FCHSD2: variants seen among roughly 807,000 people sequenced by gnomAD.
The protein encoded by FCHSD2 is FCH and double SH3 domains 2, also known as F-BAR and double SH3 domains protein 2.
In FCHSD2, 38 loss-of-function variants were observed where a neutral mutation model predicts 108.1. The observed-to-expected ratio is 0.35, with a 90% confidence interval of 0.27 to 0.46. FCHSD2 has a LOEUF of 0.46. Among genes scored for constraint, FCHSD2 ranks in the 20% least tolerant of loss-of-function variants. The pLI is 1.00. For missense variants in FCHSD2, 751 were observed against 897.8 expected (o/e 0.84, Z 2.09); for synonymous variants, 279 against 314.7 (o/e 0.89, Z 1.20).
At chr11:72,890,121 A>G (rs750602538) in intron 10 of FCHSD2, among the ~76,000 whole-genome samples, 176 bp from the exon 11 acceptor site, 7 of 152,352 alleles carry the variant, frequency 4.6e-5, no homozygotes, top group Non-Finnish European at 7.3e-5. Context: ...GAGTAAGATC[A>G]GCATAAAACC....
chr11:73,024,801 A>G (rs1410101756), intron 3 of FCHSD2, among the ~76,000 whole-genome samples: 1 of 152,160 alleles, frequency 6.6e-6, no homozygotes, highest in Non-Finnish European at 1.5e-5. Flanking sequence ...CAGGGAAAAA[A>G]ACAACAATCC....
intron 14 of FCHSD2, among the ~76,000 whole-genome samples, chr11:72,845,518 A>G (rs762769256): frequency 1.4e-4 from 22 of 151,754 alleles, no homozygotes; most frequent in Non-Finnish European, 1.9e-4. Context: ...ACACTGCAGC[A>G]CTAGTTGTCC....
chr11:72,939,363 A>C (rs1275420672), intron 8 of FCHSD2, among the ~76,000 whole-genome samples: 2 of 152,176 alleles, frequency 1.3e-5, no homozygotes, highest in Non-Finnish European at 2.9e-5. Flanking sequence ...TTGGGCCTCA[A>C]AAACCTTTCT....
intron 13 of FCHSD2, among the ~76,000 whole-genome samples, chr11:72,854,866 G>A (rs922509234): frequency 1.3e-5 from 2 of 152,172 alleles, no homozygotes; most frequent in African/African-American, 4.8e-5. Context: ...GGCCAGGCAC[G>A]GTGGCTCATG....
At chr11:72,947,759 A>C (rs1277649520) in intron 8 of FCHSD2, among the ~76,000 whole-genome samples, 1 of 2,538 alleles carries the variant, frequency 3.9e-4, no homozygotes, top group South Asian at 6.6e-3. Flanking sequence ...ATTTTCTCAT[A>C]AAGAAAATTA....
At chr11:73,084,960 G>GAA (rs768600117) in intron 2 of FCHSD2, among the ~76,000 whole-genome samples, 3 of 106,790 alleles carry the variant, frequency 2.8e-5, no homozygotes, top group Admixed American at 9.4e-5. Context: ...TAAGAAGGAG[G>GAA]AAAAAAAAAA....
At chr11:72,949,046 A>G (rs918855846) in intron 8 of FCHSD2, among the ~76,000 whole-genome samples, 2 of 152,210 alleles carry the variant, frequency 1.3e-5, no homozygotes, top group Non-Finnish European at 2.9e-5. Flanking sequence ...TATTAGTCAC[A>G]CACCATTAAG....
intron 2 of FCHSD2, among the ~76,000 whole-genome samples, chr11:73,129,082 A>G (rs747810192): frequency 6.6e-6 from 1 of 151,842 alleles, no homozygotes; most frequent in African/African-American, 2.4e-5. Context: ...CATGTTAGCC[A>G]GGATGGTCTC....
intron 8 of FCHSD2, among the ~76,000 whole-genome samples, chr11:72,927,232 C>A (rs955966955): frequency 1.3e-5 from 2 of 152,266 alleles, no homozygotes; most frequent in African/African-American, 4.8e-5. Flanking sequence ...TTAAGCATGC[C>A]TGAGAATCAC....
intron 3 of FCHSD2, among the ~76,000 whole-genome samples, chr11:73,037,139 C>G (rs1858516789): frequency 6.6e-6 from 1 of 152,048 alleles, no homozygotes; most frequent in Non-Finnish European, 1.5e-5. Flanking sequence ...TTTTTTAGAA[C>G]AGTTTTAGGT....
intron 2 of FCHSD2, among the ~76,000 whole-genome samples, chr11:73,134,831 G>A (rs1861084857): frequency 6.6e-6 from 1 of 152,218 alleles, no homozygotes; most frequent in East Asian, 1.9e-4. Context: ...TTTTCTGGGG[G>A]GGAGTTTGTT....
At chr11:72,896,494 G>C (rs1349698809) in intron 10 of FCHSD2, among the ~76,000 whole-genome samples, 1 of 152,062 alleles carries the variant, frequency 6.6e-6, no homozygotes, top group African/African-American at 2.4e-5. Context: ...ATGTACATAG[G>C]GCAGAGATGT....
chr11:72,914,296 T>A (rs1057274330), intron 9 of FCHSD2, among the ~76,000 whole-genome samples: 1 of 152,188 alleles, frequency 6.6e-6, no homozygotes, highest in Non-Finnish European at 1.5e-5. Flanking sequence ...ATTACAGGTG[T>A]GAGTCAGGTG....
At chr11:72,996,886 A>G (rs1270201565) in intron 5 of FCHSD2, among the ~76,000 whole-genome samples, 1 of 152,236 alleles carries the variant, frequency 6.6e-6, no homozygotes, top group Non-Finnish European at 1.5e-5. Flanking sequence ...TAAGTCTTAA[A>G]TTCAACTTAA....
chr11:73,046,361 T>C (rs1282927883), intron 3 of FCHSD2, among the ~76,000 whole-genome samples: 3 of 152,118 alleles, frequency 2.0e-5, no homozygotes, highest in African/African-American at 7.2e-5. Flanking sequence ...AAAAAAGATA[T>C]GAATGGCCAA....
intron 13 of FCHSD2, among the ~76,000 whole-genome samples, chr11:72,858,357 G>T (rs1201657720): frequency 6.6e-6 from 1 of 152,186 alleles, no homozygotes; most frequent in Non-Finnish European, 1.5e-5. Context: ...GCAAAGAAAT[G>T]AAATAAACCT....
chr11:72,921,904 G>T lies in FCHSD2; in HGVS notation c.752C>A (p.Ala251Asp), dbSNP rs746365924. The T allele has an allele frequency of 8.1e-6, 13 of 1,601,928 alleles. No individual in the cohort carries two copies. Among genetic ancestry groups the T allele is most frequent in the Non-Finnish European group, 1.1e-5 (13 of 1,172,586 alleles). Residue 251 changes from alanine to aspartate, a missense_variant, in exon 9 of 20, where the codon GCC becomes GAC. Physicochemically the swap from Ala to Asp is moderately radical, Grantham distance 126. Coordinates refer to ENST00000409418, the MANE Select transcript of FCHSD2 (RefSeq NM_014824.3). Reference protein sequence around the residue: ...VYDHLKDYLIAFSRTELETCQ... With the variant: ...VYDHLKDYLIDFSRTELETCQ... ...TGTTTCTAGCTCAGTCCGGCTGAAG[G>T]CTATTAAATAATCCTTGAGATGATC...
chr11:72,867,773 TA>T, intron 13 of FCHSD2, 91 bp downstream of exon 13: 1 of 1,078,572 alleles, frequency 9.3e-7, no homozygotes, highest in Non-Finnish European at 1.3e-6. Context: ...ATTATCTTTT[TA>T]AAAAATTTTG....
chr11:73,076,472 A>G (rs1859554675), intron 3 of FCHSD2, among the ~76,000 whole-genome samples: 1 of 152,234 alleles, frequency 6.6e-6, no homozygotes, highest in Non-Finnish European at 1.5e-5. Context: ...TTACATTTGT[A>G]TGATACGTCC....
Sources: gnomAD v4.1 joint callset for allele counts (sites outside exome capture counted in the v4.1 genomes callset) on GRCh38, gnomAD v4.1.1 for gene constraint, MANE v1.5 for transcripts, NCBI Gene and HGNC (gene_info 2026-07-23, HGNC 2026-07-21) for gene names.